Variants in ATP6V0A2 observed in about 807,000 individuals in gnomAD.
ATP6V0A2 encodes the protein ATPase H+ transporting V0 subunit a2, also known as V-type proton ATPase 116 kDa subunit a 2.
ATP6V0A2 carries 58 observed loss-of-function variants against 104.4 expected under a neutral mutation model. The ratio of observed to expected loss-of-function variants is 0.56; its 90% CI spans 0.45 to 0.69. ATP6V0A2 has a LOEUF of 0.69. ATP6V0A2 is among the 30% of genes least tolerant of loss of function. ATP6V0A2 has a pLI of 0.00. For missense variants in ATP6V0A2, 938 were observed against 1,062.9 expected (o/e 0.88, Z 1.63); for synonymous variants, 376 against 397.9 (o/e 0.95, Z 0.65).
chr12:123,713,491 G>A (rs1421924611), intron 1 of ATP6V0A2, among the ~76,000 whole-genome samples: 1 of 152,096 alleles, frequency 6.6e-6, no homozygotes, highest in Non-Finnish European at 1.5e-5. Flanking sequence ...CGCAGTCCTT[G>A]GCAGTCATTG....
chr12:123,717,398 A>T (rs1208123881), intron 1 of ATP6V0A2, among the ~76,000 whole-genome samples: 1 of 149,582 alleles, frequency 6.7e-6, no homozygotes, highest in Admixed American at 6.6e-5. Context: ...GCTAAGTAGC[A>T]TTCCATTGTG....
At position 123,743,804 on chromosome 12, in the gene ATP6V0A2, T is replaced by TC. The variant is rs958086368; in HGVS notation, c.1062dup (p.Ser355LeufsTer78). 4.3e-6 allele frequency: 7 copies of TC among 1,613,890 alleles called. No individual in the cohort carries two copies. The African/African-American group carries it at 9.4e-5, about 22-fold the overall frequency. ...TGGAAGAGAGAGAGTGGTGCTACAA[T>TC]CCCCTCATTCATGAATATAATCCCC... On this transcript the variant is annotated frameshift_variant, in exon 10 of 20. Coordinates refer to ENST00000330342, the MANE Select transcript of ATP6V0A2 (RefSeq NM_012463.4). LOFTEE classifies it high-confidence loss of function.
chr12:123,722,470 T>A, intron 3 of ATP6V0A2, 22 bp downstream of exon 3: 1 of 1,433,868 alleles, frequency 7.0e-7, no homozygotes, highest in Non-Finnish European at 9.8e-7. Flanking sequence ...CTGACGAAGC[T>A]GGTTGCAGCC....
rs1281039665 is a variant in ATP6V0A2 at position 123,760,938 on chromosome 12, A to C, written c.*2906A>C. 6.6e-6 allele frequency: 1 copy of C among 152,066 alleles called. No individual in the cohort carries two copies. The highest frequency in any genetic ancestry group is 2.4e-5 in the African/African-American group (1 of 41,402). The allele number at this position is 152,066 out of a possible 1,614,324, so 9.4% of individuals were successfully genotyped here. On this transcript the variant is annotated 3_prime_UTR_variant, in exon 20 of 20. Coordinates refer to ENST00000330342, the MANE Select transcript of ATP6V0A2 (RefSeq NM_012463.4). ...TTTATTTTTTTTGAGACAGTGTCTCACTCTGTCACCTAGGCTGAAGTGCAG... is the reference window on the plus strand; with the variant it reads ...TTTATTTTTTTTGAGACAGTGTCTCCCTCTGTCACCTAGGCTGAAGTGCAG...
intron 18 of ATP6V0A2, 181 bp from the exon 19 acceptor site, chr12:123,756,634 G>A: frequency 3.2e-6 from 2 of 625,086 alleles, no homozygotes. Context: ...TAGTGTTTGA[G>A]ACCGTCTCGG....
chr12:123,734,739 G>C (rs1404439328), intron 7 of ATP6V0A2, among the ~76,000 whole-genome samples: 2 of 152,282 alleles, frequency 1.3e-5, no homozygotes, highest in East Asian at 3.9e-4. Context: ...TTTCTTGCAG[G>C]GTGGAGGGGG....
At chr12:123,748,111 C>T (rs1309300000) in intron 14 of ATP6V0A2, among the ~76,000 whole-genome samples, 2 of 152,076 alleles carry the variant, frequency 1.3e-5, no homozygotes, top group Admixed American at 6.6e-5. Context: ...TTTGTTTTTA[C>T]TTTATTAGAG....
Position 123,722,468 on chromosome 12 carries a change from G to C in ATP6V0A2, c.294+20G>C. On this transcript the variant is annotated intron_variant, in intron 3 of 19. Coordinates refer to ENST00000330342, the MANE Select transcript of ATP6V0A2 (RefSeq NM_012463.4). ...ATGCAGGTAACTTGCTTCTGACGAAGCTGGTTGCAGCCATTGATCTTGGGG... is the reference window on the plus strand; with the variant it reads ...ATGCAGGTAACTTGCTTCTGACGAACCTGGTTGCAGCCATTGATCTTGGGG... 2.1e-6 allele frequency: 3 copies of C among 1,440,820 alleles called. No homozygotes were observed. Among genetic ancestry groups the C allele is most frequent in the Non-Finnish European group, 2.9e-6 (3 of 1,022,160 alleles). 89.3% of individuals were successfully genotyped at this position (1,440,820 alleles called of 1,614,324 possible).
chr12:123,718,590 A>G, intron 1 of ATP6V0A2, 33 bp from the exon 2 acceptor site: 1 of 1,520,464 alleles, frequency 6.6e-7, no homozygotes, highest in Non-Finnish European at 9.1e-7. Flanking sequence ...TAAATTTTAG[A>G]AATTTAAACC....
At chr12:123,734,513 G>C (rs1161904439) in intron 7 of ATP6V0A2, among the ~76,000 whole-genome samples, 1 of 152,158 alleles carries the variant, frequency 6.6e-6, no homozygotes. Context: ...TCTGTAAAAG[G>C]GGAGAGTGAT....
Position 123,752,333 on chromosome 12 carries a change from G to A in ATP6V0A2, c.2106G>A (p.Leu702=), listed in dbSNP as rs1319189196. 1 of 1,614,110 alleles carries A rather than the reference G, an allele frequency of 6.2e-7. No individual in the cohort carries two copies. Among genetic ancestry groups the A allele is most frequent in the Non-Finnish European group, 8.5e-7 (1 of 1,179,978 alleles). The change falls in exon 17 of 20, where the codon CTG becomes CTA. Residue 702 remains leucine, a synonymous_variant. Transcript: ENST00000330342. The part of the protein sequence containing the change: ...RKDSEEEVSL[L]GSQDIEEGNH... ...ATAGTGAGGAAGAAGTTTCATTGCT[G>A]GGAAGCCAAGATATAGAAGAGGGAA...
chr12:123,730,301 C>G (rs929174884), intron 6 of ATP6V0A2, among the ~76,000 whole-genome samples: 3 of 151,908 alleles, frequency 2.0e-5, no homozygotes, highest in Non-Finnish European at 4.4e-5. Context: ...ATGATCCACC[C>G]GCCTCGGCCT....
At chr12:123,722,239 T>G (rs2135884534) in intron 2 of ATP6V0A2, 112 bp from the exon 3 acceptor site, 1 of 811,150 alleles carries the variant, frequency 1.2e-6, no homozygotes, top group African/African-American at 1.7e-5. Flanking sequence ...TTTTTGTGCA[T>G]TTAGACATTG....
At chr12:123,714,025 A>T (rs2135872803) in intron 1 of ATP6V0A2, among the ~76,000 whole-genome samples, 1 of 152,308 alleles carries the variant, frequency 6.6e-6, no homozygotes, top group South Asian at 2.1e-4. Flanking sequence ...CACCTGATGG[A>T]TGCTGCGCTG....
intron 6 of ATP6V0A2, chr12:123,730,985 C>T (rs1956496758): frequency 6.6e-6 from 1 of 152,218 alleles, no homozygotes; most frequent in Non-Finnish European, 1.5e-5. Context: ...GGATTATAGG[C>T]ATGAGCCACC....
In ATP6V0A2 at chr12:123,722,400, A is replaced by G. The variant is rs1465009142; in HGVS notation, c.246A>G (p.Gly82=). 1.2e-6 allele frequency: 2 copies of G among 1,613,504 alleles called. No individual in the cohort carries two copies. The highest frequency in any genetic ancestry group is 3.3e-5 in the Admixed American group (2 of 60,018). The stretch of plus-strand genomic sequence containing the variant: ...GAGCTGATATTCCCCTTCCTGAAGG[A>G]GAGGCCAGCCCTCCTGCGCCACCCC... ...INRADIPLPE[G]EASPPAPPLK... is the part of the protein sequence containing the mutation. The change falls in exon 3 of 20, where the codon GGA becomes GGG. Residue 82 remains glycine (G), a synonymous_variant. Coordinates refer to ENST00000330342, the MANE Select transcript of ATP6V0A2 (RefSeq NM_012463.4).
At chr12:123,736,410 T>A (rs975747622) in intron 8 of ATP6V0A2, among the ~76,000 whole-genome samples, 1 of 151,958 alleles carries the variant, frequency 6.6e-6, no homozygotes, top group Non-Finnish European at 1.5e-5. Context: ...GCCAGGTTGG[T>A]CTCGATCTCC....
rs370299179 is a variant in ATP6V0A2 at position 123,743,875 on chromosome 12, G to A, written c.1129G>A (p.Glu377Lys). ...PTRIRTNKFTEGFQNIVDAYG... is the reference protein window; with the variant it reads ...PTRIRTNKFTKGFQNIVDAYG... ...TCGGATCCGCACCAACAAATTCACC[G>A]AGGGATTTCAGAACATCGTGGATGC... Residue 377 changes from glutamate (E) to lysine (K), a missense_variant, in exon 10 of 20, where the codon GAG (glutamate) becomes AAG (lysine). Transcript: ENST00000330342. 28 of 1,614,000 alleles carry A rather than the reference G, an allele frequency of 1.7e-5. No homozygotes were observed. In the Middle Eastern group the frequency reaches 4.9e-4, roughly 28 times the overall value.
rs746697998 is a variant in ATP6V0A2, at chr12:123,744,257, G to A, written c.1246G>A (p.Gly416Arg). The A allele has an allele frequency of 2.0e-5, 32 of 1,614,058 alleles. No homozygotes were observed. Among genetic ancestry groups the A allele is most frequent in the Non-Finnish European group, 2.5e-5 (30 of 1,180,006 alleles). Reference sequence around the variant, plus strand: ...ATTTGCTGTGATGTTTGGAGACTTCGGACATGGCTTTGTGATGTTTTTATT... The same window carrying A: ...ATTTGCTGTGATGTTTGGAGACTTCAGACATGGCTTTGTGATGTTTTTATT... ...FLFAVMFGDF[G>R]HGFVMFLFAL... Residue 416 changes from glycine to arginine, a missense_variant, in exon 11 of 20, where the codon GGA becomes AGA. Coordinates refer to ENST00000330342, the MANE Select transcript of ATP6V0A2 (RefSeq NM_012463.4). This position sits in a 1 kb window ranked among gnomAD's most constrained non-coding sequence, Gnocchi z 5.4.
Sources: allele counts gnomAD v4.1 joint callset (sites outside exome capture counted in the v4.1 genomes callset), GRCh38; gene constraint gnomAD v4.1.1; non-coding constraint Gnocchi (gnomAD v3.1); transcripts MANE v1.5; gene names NCBI Gene and HGNC (gene_info 2026-07-23, HGNC 2026-07-21).